The following PAN3 variants were observed in gnomAD, a reference collection of about 807,000 sequenced individuals.
PAN3 encodes the protein poly(A) specific ribonuclease subunit PAN3.
PAN3 carries 19 observed loss-of-function variants against 96.2 expected under a neutral mutation model. The observed-to-expected ratio is 0.20, with a 90% CI of 0.14 to 0.29. The LOEUF is 0.29. Among genes scored for constraint, PAN3 ranks in the 10% least tolerant of loss-of-function variants. The probability of loss-of-function intolerance (pLI) is 1.00; values close to 1 mark genes in which losing one functional copy is unlikely to be tolerated. For missense variants in PAN3, 882 were observed against 1,108.1 expected, an observed-to-expected ratio of 0.80 and a Z score of 2.90; for synonymous variants, 433 against 406.6, an observed-to-expected ratio of 1.06 and a Z score of -0.78.
chr13:28,244,289 AT>A (rs1352455259), intron 6 of PAN3, among the ~76,000 whole-genome samples: 1 of 152,182 alleles, frequency 6.6e-6, no homozygotes, highest in Non-Finnish European at 1.5e-5. Flanking sequence ...TTGTTTCTTC[AT>A]AACAGCATAT....
At chr13:28,167,805 C>G (rs1461783496) in intron 1 of PAN3, among the ~76,000 whole-genome samples, 1 of 152,136 alleles carries the variant, frequency 6.6e-6, no homozygotes, top group African/African-American at 2.4e-5. Flanking sequence ...GATTGCGCCA[C>G]CGCACTCCAG....
intron 1 of PAN3, among the ~76,000 whole-genome samples, chr13:28,144,875 G>A (rs959651896): frequency 1.3e-5 from 2 of 151,634 alleles, no homozygotes; most frequent in Non-Finnish European, 2.9e-5. Context: ...GCCTGCCACC[G>A]CGACTGGCTA....
At chr13:28,208,464 A>T (rs571448813) in intron 5 of PAN3, among the ~76,000 whole-genome samples, 2 of 152,302 alleles carry the variant, frequency 1.3e-5, no homozygotes, top group African/African-American at 4.8e-5. Flanking sequence ...AAATAACTTC[A>T]GATTCTTTTA....
intron 5 of PAN3, among the ~76,000 whole-genome samples, chr13:28,211,547 G>A (rs1182090830): frequency 6.6e-6 from 1 of 152,134 alleles, no homozygotes; most frequent in African/African-American, 2.4e-5. Flanking sequence ...AGATTGAATT[G>A]CTCACAAGTT....
At chr13:28,261,659 C>A (rs543535438) in intron 9 of PAN3, among the ~76,000 whole-genome samples, 150 of 152,054 alleles carry the variant, frequency 9.9e-4, no homozygotes, top group Admixed American at 2.5e-3. Flanking sequence ...ATAGTGGGAA[C>A]CTGTCTCTAC....
chr13:28,169,029 G>C (rs1873942421), intron 1 of PAN3, among the ~76,000 whole-genome samples: 1 of 150,840 alleles, frequency 6.6e-6, no homozygotes, highest in African/African-American at 2.4e-5. Flanking sequence ...AAAAAAAAAA[G>C]TGAATTGCAA....
At chr13:28,172,296 T>G (rs1480577098) in intron 1 of PAN3, among the ~76,000 whole-genome samples, 1 of 151,824 alleles carries the variant, frequency 6.6e-6, no homozygotes, top group Non-Finnish European at 1.5e-5. Context: ...CTCTACTAAA[T>G]ATACAAAAAA....
Position 28,207,442 on chromosome 13 carries a change from A to G in PAN3, c.852+10096A>G, listed in dbSNP as rs567605798. Among the ~76,000 whole-genome samples the G allele has an allele frequency of 7.2e-5, 11 of 152,284 alleles. No homozygotes were observed. The East Asian group carries it at 1.9e-3, about 27-fold the overall frequency. ...GCCTCTCATCTTTGTCATTGGGGGA[A>G]AAAAGGTCAAAATCCCTTATGAAGG... On this transcript the variant is annotated intron_variant, in intron 5 of 18. Coordinates refer to ENST00000380958, the MANE Select transcript of PAN3 (RefSeq NM_175854.8).
intron 7 of PAN3, among the ~76,000 whole-genome samples, chr13:28,258,970 T>C (rs182299410): frequency 5.9e-5 from 9 of 152,314 alleles, no homozygotes; most frequent in Admixed American, 5.9e-4. Context: ...GTCATTTTTT[T>C]CCCCTGAATA....
intron 1 of PAN3, among the ~76,000 whole-genome samples, chr13:28,146,393 C>G (rs1210944577): frequency 6.6e-6 from 1 of 151,768 alleles, no homozygotes; most frequent in Admixed American, 6.6e-5. Flanking sequence ...TGCCCCTCCT[C>G]CCCCCATAGA....
intron 6 of PAN3, among the ~76,000 whole-genome samples, chr13:28,248,664 A>C (rs1045699469): frequency 6.6e-6 from 1 of 152,124 alleles, no homozygotes; most frequent in Non-Finnish European, 1.5e-5. Context: ...AGCTGGGACT[A>C]CAGGCGCATA....
intron 9 of PAN3, among the ~76,000 whole-genome samples, chr13:28,263,274 A>C (rs1885883896): frequency 6.6e-6 from 1 of 152,196 alleles, no homozygotes; most frequent in African/African-American, 2.4e-5. Context: ...TTCTGTGATA[A>C]AGTTGGCAAA....
chr13:28,206,315 C>CTT (rs71086837), intron 5 of PAN3, among the ~76,000 whole-genome samples: 2,936 of 94,758 alleles, frequency 0.031, 104 homozygotes, highest in African/African-American at 0.053. Context: ...GTCTAACTGA[C>CTT]TTTTTTTTTT....
intron 1 of PAN3, among the ~76,000 whole-genome samples, chr13:28,166,796 G>A (rs1873603079): frequency 6.6e-6 from 1 of 152,168 alleles, no homozygotes; most frequent in Admixed American, 6.5e-5. Flanking sequence ...CAGAGTGGAG[G>A]CCTGAGCTGC....
chr13:28,196,000 A>G (rs1405560670), intron 4 of PAN3, among the ~76,000 whole-genome samples: 1 of 150,394 alleles, frequency 6.6e-6, no homozygotes, highest in East Asian at 1.9e-4. Context: ...TTATTAATAT[A>G]TTTGACTGGC....
chr13:28,270,693 CT>C lies in PAN3; in HGVS notation c.1793-7del. On this transcript the variant is annotated splice_region_variant and splice_polypyrimidine_tract_variant and intron_variant, in intron 12 of 18. Coordinates refer to ENST00000380958, the MANE Select transcript of PAN3 (RefSeq NM_175854.8). ...AGATGTCATTTTTTGGATTTCTTTG[CT>C]GTATAGGTCAGCACGAGGGACCATT... The C allele has an allele frequency of 6.2e-7, 1 of 1,603,842 alleles. No homozygotes were observed. Among genetic ancestry groups the C allele is most frequent in the Non-Finnish European group, 8.5e-7 (1 of 1,175,338 alleles).
chr13:28,270,456 G>A (rs893546047), intron 12 of PAN3, among the ~76,000 whole-genome samples: 6 of 152,080 alleles, frequency 3.9e-5, no homozygotes, highest in Non-Finnish European at 8.8e-5. Flanking sequence ...TAATTAAGTG[G>A]TTACAGAAAA....
intron 4 of PAN3, among the ~76,000 whole-genome samples, chr13:28,196,782 G>GA (rs1378481095): frequency 3.3e-5 from 5 of 152,124 alleles, no homozygotes; most frequent in Admixed American, 3.3e-4. Context: ...TTATAAAAAA[G>GA]AAAAATCTGT....
At chr13:28,216,193 T>G (rs1427692993) in intron 5 of PAN3, among the ~76,000 whole-genome samples, 1 of 146,210 alleles carries the variant, frequency 6.8e-6, no homozygotes, top group African/African-American at 2.6e-5. Context: ...AAACAAAGTT[T>G]AGTGAGAAAA....
Sources: gnomAD v4.1 joint callset for allele counts (sites outside exome capture counted in the v4.1 genomes callset) on GRCh38, gnomAD v4.1.1 for gene constraint, MANE v1.5 for transcripts, NCBI Gene and HGNC (gene_info 2026-07-23, HGNC 2026-07-21) for gene names.